The following ZNF385D variants were observed in gnomAD, a reference collection of about 807,000 sequenced individuals.
ZNF385D encodes zinc finger protein 659.
ZNF385D carries 15 observed loss-of-function variants against 35.8 expected under a neutral mutation model. The ratio of observed to expected loss-of-function variants is 0.42; its 90% confidence interval spans 0.28 to 0.64. The LOEUF (loss-of-function observed/expected upper bound fraction) is 0.64, where lower values mean the gene tolerates loss of function less well. Ranked by LOEUF, ZNF385D falls within the 30% of genes least tolerant of loss-of-function variation. The probability of loss-of-function intolerance (pLI) is 0.23; values close to 1 mark genes in which losing one functional copy is unlikely to be tolerated. For missense variants in ZNF385D, 474 were observed against 494.6 expected, an observed-to-expected ratio of 0.96 and a Z score of 0.39; for synonymous variants, 212 against 186.8, an observed-to-expected ratio of 1.13 and a Z score of -1.10.
At chr3:22,189,543 C>T (rs199604230) in intron 2 of ZNF385D, among the ~76,000 whole-genome samples, 1 of 151,784 alleles carries the variant, frequency 6.6e-6, no homozygotes, top group Non-Finnish European at 1.5e-5. Flanking sequence ...TAAGGGAACC[C>T]GAAAGAGAAG....
At chr3:21,995,837 G>A (rs1177961364) in intron 3 of ZNF385D, among the ~76,000 whole-genome samples, 3 of 152,014 alleles carry the variant, frequency 2.0e-5, no homozygotes, top group African/African-American at 7.2e-5. Context: ...AGCATCGCCA[G>A]GCAAGCAGAA....
chr3:21,737,490 T>C (rs369710496), intron 1 of ZNF385D, among the ~76,000 whole-genome samples: 15 of 140,904 alleles, frequency 1.1e-4, no homozygotes, highest in South Asian at 6.7e-4. Flanking sequence ...CACACACACA[T>C]ACACATAAGA....
chr3:21,442,770 C>A (rs1252835014), intron 4 of ZNF385D, among the ~76,000 whole-genome samples: 4 of 151,864 alleles, frequency 2.6e-5, no homozygotes, highest in African/African-American at 9.7e-5. Flanking sequence ...GAACTGGGTG[C>A]CCCAAAGGCC....
In ZNF385D at chr3:21,725,875, C is replaced by T. The variant is rs117435152; in HGVS notation, c.22+25020G>A. On this transcript the variant is annotated intron_variant, in intron 1 of 7. Coordinates refer to ENST00000281523, the MANE Select transcript of ZNF385D (RefSeq NM_024697.3). ...ACACCAAAACCCGGCAGAGACATAA[C>T]AAAAAAAATTTCAGGCCAATATCCC... is the stretch of plus-strand genomic sequence containing the variant. 4.1e-3 allele frequency among the ~76,000 whole-genome samples: 622 copies of T among 151,670 alleles called. 28 individuals carry two copies. The East Asian group carries it at 0.074, about 18-fold the overall frequency.
At chr3:22,196,420 CAT>C (rs1424785912) in intron 2 of ZNF385D, among the ~76,000 whole-genome samples, 4 of 152,030 alleles carry the variant, frequency 2.6e-5, no homozygotes, top group Non-Finnish European at 5.9e-5. Context: ...TTTGAAAACA[CAT>C]ATATTTGAAT....
At chr3:21,695,846 T>C (rs1280701647) in intron 1 of ZNF385D, among the ~76,000 whole-genome samples, 2 of 152,096 alleles carry the variant, frequency 1.3e-5, no homozygotes, top group Non-Finnish European at 2.9e-5. Flanking sequence ...TACCTGTTGT[T>C]ACAGTGAAAA....
intron 1 of ZNF385D, among the ~76,000 whole-genome samples, chr3:21,744,317 T>C (rs1310110427): frequency 3.3e-5 from 5 of 152,232 alleles, no homozygotes; most frequent in Non-Finnish European, 7.3e-5. Flanking sequence ...TTTACATTCC[T>C]TATTGCGTTT....
chr3:21,556,053 G>GTTTTTTTTTTTTTTTTTTTT (rs1209768767), intron 3 of ZNF385D, among the ~76,000 whole-genome samples: 2 of 110,788 alleles, frequency 1.8e-5, no homozygotes, highest in Admixed American at 8.8e-5. Flanking sequence ...ACTTTTTGAC[G>GTTTTTTTTTTTTTTTTTTTT]TTTTTTTTGT....
chr3:22,362,049 T>C (rs186133024), intron 2 of ZNF385D, among the ~76,000 whole-genome samples: 1 of 151,424 alleles, frequency 6.6e-6, no homozygotes, highest in Non-Finnish European at 1.5e-5. Flanking sequence ...TATTAATATA[T>C]TAATATGGAT....
At chr3:21,633,261 T>A (rs2065333460) in intron 2 of ZNF385D, among the ~76,000 whole-genome samples, 1 of 152,038 alleles carries the variant, frequency 6.6e-6, no homozygotes, top group Admixed American at 6.6e-5. Context: ...TTCAATTACC[T>A]CAAATAACAG....
chr3:22,136,676 G>A (rs892099512), intron 3 of ZNF385D, among the ~76,000 whole-genome samples: 3 of 152,190 alleles, frequency 2.0e-5, no homozygotes, highest in Middle Eastern at 3.4e-3. Context: ...CCAAAACGTG[G>A]GAGCAACCAT....
intron 3 of ZNF385D, among the ~76,000 whole-genome samples, chr3:21,937,529 T>C (rs1010096958): frequency 6.6e-6 from 1 of 152,192 alleles, no homozygotes; most frequent in African/African-American, 2.4e-5. Flanking sequence ...TTTGTGTTAA[T>C]GATGATGAGG....
rs569776254 is a variant in ZNF385D at position 21,610,567 on chromosome 3, G to A, written c.166-45883C>T. 2.7e-4 allele frequency among the ~76,000 whole-genome samples: 41 copies of A among 151,732 alleles called. No individual in the cohort carries two copies. The East Asian group carries it at 2.7e-3, about 10-fold the overall frequency. ...AGGTGGATCATGAGGTCAGGAGATC[G>A]ACACCATCCTGGCTGACACGGTGAA... is the stretch of plus-strand genomic sequence containing the variant. On this transcript the variant is annotated intron_variant, in intron 2 of 7. Transcript: ENST00000281523.
chr3:22,321,937 ACTG>A (rs1158415908), intron 2 of ZNF385D, among the ~76,000 whole-genome samples: 6 of 152,030 alleles, frequency 3.9e-5, no homozygotes, highest in African/African-American at 1.2e-4. Context: ...ACCTATTTAT[ACTG>A]CTATTGTTAA....
At chr3:21,867,681 G>C (rs890901374) in intron 3 of ZNF385D, among the ~76,000 whole-genome samples, 1 of 151,818 alleles carries the variant, frequency 6.6e-6, no homozygotes, top group Non-Finnish European at 1.5e-5. Context: ...CATTTTATTA[G>C]CTTATATTAA....
intron 1 of ZNF385D, among the ~76,000 whole-genome samples, chr3:21,693,956 G>T (rs2067374194): frequency 7.0e-6 from 1 of 142,178 alleles, no homozygotes; most frequent in African/African-American, 2.6e-5. Flanking sequence ...TCGGCTCACT[G>T]CAACCTCCAC....
At chr3:22,193,971 A>C (rs1422262262) in intron 2 of ZNF385D, among the ~76,000 whole-genome samples, 2 of 151,956 alleles carry the variant, frequency 1.3e-5, no homozygotes, top group Non-Finnish European at 2.9e-5. Context: ...TTTGCTAGTG[A>C]AACAAGTGGA....
intron 1 of ZNF385D, among the ~76,000 whole-genome samples, chr3:21,704,326 C>A (rs1214223636): frequency 6.6e-6 from 1 of 152,014 alleles, no homozygotes; most frequent in African/African-American, 2.4e-5. Flanking sequence ...AGATGAAAAG[C>A]CCTGCTTTAT....
chr3:22,136,535 T>A (rs1172106802), intron 3 of ZNF385D, among the ~76,000 whole-genome samples: 1 of 152,070 alleles, frequency 6.6e-6, no homozygotes, highest in Non-Finnish European at 1.5e-5. Flanking sequence ...TCAGAATATA[T>A]AAAGAATGCT....
Sources: allele counts gnomAD v4.1 joint callset (sites outside exome capture counted in the v4.1 genomes callset), GRCh38; gene constraint gnomAD v4.1.1; transcripts MANE v1.5; gene names NCBI Gene and HGNC (gene_info 2026-07-23, HGNC 2026-07-21).